The following CLPB variants were observed in gnomAD, a reference collection of about 807,000 sequenced individuals.
CLPB encodes mitochondrial disaggregase.
In CLPB, 40 loss-of-function variants were observed where a neutral mutation model predicts 78.4. That is an observed-to-expected ratio of 0.51 (90% CI 0.40 to 0.66). CLPB has a LOEUF of 0.66. CLPB is among the 30% of genes least tolerant of loss of function. CLPB has a pLI of 0.00. For missense variants in CLPB, 780 were observed against 886.9 expected (o/e 0.88, Z 1.53); for synonymous variants, 333 against 348.0 (o/e 0.96, Z 0.48).
intron 7 of CLPB, among the ~76,000 whole-genome samples, chr11:72,315,377 C>T (rs891575055): frequency 3.3e-5 from 5 of 152,180 alleles, no homozygotes; most frequent in African/African-American, 4.8e-5. Context: ...TCCTCAGGAT[C>T]GAGAGCAGCT....
intron 5 of CLPB, among the ~76,000 whole-genome samples, chr11:72,343,769 T>G (rs992443135): frequency 3.3e-5 from 5 of 152,192 alleles, no homozygotes; most frequent in Admixed American, 2.0e-4. Flanking sequence ...TGAGGATGCA[T>G]GACAAAACAG....
chr11:72,358,864 CCACCTCTGCTCT>C lies in CLPB; in HGVS notation c.775+4_775+15del. The C allele has an allele frequency of 6.6e-7, 1 of 1,515,466 alleles. No homozygotes were observed. The highest frequency in any genetic ancestry group is 9.0e-7 in the Non-Finnish European group (1 of 1,108,648). The allele number at this position is 1,515,466 out of a possible 1,614,324, so 93.9% of individuals were successfully genotyped here. On this transcript the variant is annotated splice_donor_5th_base_variant and intron_variant, in intron 5 of 15. Transcript: ENST00000538039. ...CCACTTCCCCCACCCCACCCCTCCT[CCACCTCTGCTCT>C]CACCTCCATCAAGCAGCTCCTTGAC... is the stretch of plus-strand genomic sequence containing the variant.
chr11:72,363,092 G>T (rs1471876892), intron 4 of CLPB, among the ~76,000 whole-genome samples: 16 of 151,866 alleles, frequency 1.1e-4, no homozygotes, highest in Admixed American at 1.0e-3. Flanking sequence ...GAAGGCAGAG[G>T]TTGCAGTGAG....
intron 6 of CLPB, among the ~76,000 whole-genome samples, chr11:72,319,775 C>T (rs1950012164): frequency 6.6e-6 from 1 of 152,196 alleles, no homozygotes; most frequent in South Asian, 2.1e-4. Flanking sequence ...TCTGAGTGAC[C>T]AAAATGGCTA....
intron 7 of CLPB, among the ~76,000 whole-genome samples, chr11:72,309,663 C>CT (rs937643559): frequency 6.6e-6 from 1 of 152,114 alleles, no homozygotes; most frequent in African/African-American, 2.4e-5. Context: ...AACCTGTCGT[C>CT]TTTTTTTAAA....
intron 2 of CLPB, among the ~76,000 whole-genome samples, chr11:72,421,696 C>T (rs956681895): frequency 6.6e-6 from 1 of 152,246 alleles, no homozygotes; most frequent in African/African-American, 2.4e-5. Flanking sequence ...TCATGGCCAA[C>T]TGCCTGCCTC....
At chr11:72,294,248 G>T (rs879139570) in intron 14 of CLPB, 77 bp downstream of exon 14, 10 of 1,599,350 alleles carry the variant, frequency 6.3e-6, no homozygotes, top group Middle Eastern at 1.7e-4. Context: ...TATGTGTGTG[G>T]GGGTGCCCCC....
At chr11:72,434,045 T>C in intron 1 of CLPB, 27 bp downstream of exon 1, 1 of 1,602,596 alleles carries the variant, frequency 6.2e-7, no homozygotes. Flanking sequence ...CGCCTCTCCC[T>C]TCCTCAAACC....
chr11:72,328,419 TAGAACATTAGAAACC>T (rs1218114829), intron 6 of CLPB, among the ~76,000 whole-genome samples: 1 of 152,218 alleles, frequency 6.6e-6, no homozygotes, highest in Non-Finnish European at 1.5e-5. Context: ...ATATGTTGCC[TAGAACATTAGAAACC>T]ATTTAGTACA....
intron 3 of CLPB, among the ~76,000 whole-genome samples, chr11:72,384,703 G>A (rs1336084209): frequency 1.3e-5 from 2 of 152,138 alleles, no homozygotes; most frequent in Non-Finnish European, 2.9e-5. Context: ...AATGGAAAAA[G>A]ATATGGCATG....
intron 4 of CLPB, among the ~76,000 whole-genome samples, chr11:72,368,053 T>C (rs1430855457): frequency 6.6e-6 from 1 of 152,230 alleles, no homozygotes. Flanking sequence ...AAATTCATTA[T>C]TGTACCCTTT....
chr11:72,343,078 A>G (rs1197587929), intron 5 of CLPB, among the ~76,000 whole-genome samples: 1 of 152,220 alleles, frequency 6.6e-6, no homozygotes, highest in East Asian at 1.9e-4. Flanking sequence ...AGGGGTTATC[A>G]AGAGATGACT....
intron 4 of CLPB, among the ~76,000 whole-genome samples, chr11:72,365,867 G>T (rs973548089): frequency 6.6e-6 from 1 of 152,198 alleles, no homozygotes; most frequent in Admixed American, 6.5e-5. Flanking sequence ...GCAGAAGAAT[G>T]AAGCTGGACC....
At chr11:72,358,425 G>A (rs1950763076) in intron 5 of CLPB, among the ~76,000 whole-genome samples, 1 of 152,186 alleles carries the variant, frequency 6.6e-6, no homozygotes, top group African/African-American at 2.4e-5. Context: ...AGGGGCCTGA[G>A]ACGGGGGTGG....
chr11:72,364,560 A>G (rs1234219171), intron 4 of CLPB, among the ~76,000 whole-genome samples: 3 of 152,016 alleles, frequency 2.0e-5, no homozygotes, highest in Non-Finnish European at 2.9e-5. Context: ...GAGTCTACCT[A>G]TGTTGCCTAG....
chr11:72,321,017 T>C (rs999014621), intron 6 of CLPB, among the ~76,000 whole-genome samples: 3 of 152,264 alleles, frequency 2.0e-5, no homozygotes, highest in Admixed American at 2.0e-4. Context: ...CCGGCAATGA[T>C]TGACTTGTGC....
chr11:72,426,829 G>A (rs972712938), intron 2 of CLPB, among the ~76,000 whole-genome samples: 4 of 152,222 alleles, frequency 2.6e-5, no homozygotes, highest in African/African-American at 9.7e-5. Context: ...AAAGAACAGT[G>A]TGGCAAGTGG....
chr11:72,293,405 C>T lies in CLPB; in HGVS notation c.1996G>A (p.Ala666Thr). Residue 666 changes from alanine to threonine, a missense_variant, in exon 16 of 16, where the codon GCA becomes ACA. Coordinates refer to ENST00000538039, the MANE Select transcript of CLPB (RefSeq NM_001258392.3). ...CACACCTTCTCAGGGTGCAGTGGTGCCCGGATGTCCAGTCTGCGAGTCTTG... is the reference window on the plus strand; with the variant it reads ...CACACCTTCTCAGGGTGCAGTGGTGTCCGGATGTCCAGTCTGCGAGTCTTG... The part of the protein sequence containing the change: ...DSKTRRLDIR[A>T]PLHPEKVCNT... 4 of 1,614,134 alleles carry T rather than the reference C, an allele frequency of 2.5e-6. No homozygotes were observed. The highest frequency in any genetic ancestry group is 3.4e-6 in the Non-Finnish European group (4 of 1,179,998).
chr11:72,380,403 A>G lies in CLPB; in HGVS notation c.543-19T>C. The G allele has an allele frequency of 6.2e-7, 1 of 1,605,072 alleles. No individual in the cohort carries two copies. Among genetic ancestry groups the G allele is most frequent in the Non-Finnish European group, 8.5e-7 (1 of 1,171,872 alleles). On this transcript the variant is annotated intron_variant, in intron 3 of 15. Coordinates refer to ENST00000538039, the MANE Select transcript of CLPB (RefSeq NM_001258392.3). ...TACCACACTAGAAGAAATCACAAAG[A>G]CAGAAGTGTCAAAAGCAAGAAAGGC... is the stretch of plus-strand genomic sequence containing the variant.
Sources: gnomAD v4.1 joint callset for allele counts (sites outside exome capture counted in the v4.1 genomes callset) on GRCh38, gnomAD v4.1.1 for gene constraint, MANE v1.5 for transcripts, NCBI Gene and HGNC (gene_info 2026-07-23, HGNC 2026-07-21) for gene names.